Variants in CPED1 observed in about 807,000 individuals in gnomAD.
CPED1 encodes cadherin like and PC-esterase domain containing 1, also known as cadherin-like and PC-esterase domain-containing protein 1.
In CPED1, 114 loss-of-function variants were observed where a neutral mutation model predicts 128.2. The observed-to-expected ratio is 0.89, with a 90% CI of 0.76 to 1.04. The LOEUF is 1.04. Ranked by LOEUF, CPED1 falls within the 50% of genes least tolerant of loss-of-function variation. The pLI, the probability that CPED1 is intolerant of heterozygous loss-of-function variation, is 0.00. For synonymous variants in CPED1, 462 were observed against 426.7 expected, an observed-to-expected ratio of 1.08 and a Z score of -1.02; for missense variants, 1,211 against 1,207.1, an observed-to-expected ratio of 1.00 and a Z score of -0.05.
chr7:121,015,215 C>T (rs542585728), intron 2 of CPED1, among the ~76,000 whole-genome samples: 40 of 152,298 alleles, frequency 2.6e-4, no homozygotes, highest in Non-Finnish European at 5.3e-4. Flanking sequence ...CTTCTCACCT[C>T]GACCCCTTCC....
Position 121,099,980 on chromosome 7 carries a change from A to C in CPED1, c.804A>C (p.Leu268=), listed in dbSNP as rs760968774. Residue 268 remains leucine (L), a synonymous_variant, in exon 7 of 23, where the codon CTA becomes CTC. Coordinates refer to ENST00000310396, the MANE Select transcript of CPED1 (RefSeq NM_024913.5). ...PHETIFRAED[L]SVILKAYVLV... is the part of the protein sequence containing the mutation. ...AAACAATCTTTCGAGCCGAAGATCT[A>C]TCTGTGATTCTTAAAGCGTATGTGT... 3 of 1,613,314 alleles carry C rather than the reference A, an allele frequency of 1.9e-6. No homozygotes were observed. Among genetic ancestry groups the C allele is most frequent in the African/African-American group, 2.7e-5 (2 of 74,748 alleles).
At chr7:121,212,509 C>T (rs1255109228) in intron 16 of CPED1, among the ~76,000 whole-genome samples, 1 of 152,016 alleles carries the variant, frequency 6.6e-6, no homozygotes, top group Non-Finnish European at 1.5e-5. Context: ...TAAACTAAAG[C>T]ATCTCGAGTT....
chr7:121,264,597 C>T (rs899772337), intron 18 of CPED1, among the ~76,000 whole-genome samples: 1 of 152,014 alleles, frequency 6.6e-6, no homozygotes, highest in Non-Finnish European at 1.5e-5. Context: ...TACTTGGATA[C>T]GCTCACCATG....
At chr7:121,152,073 A>T (rs1796171793) in intron 16 of CPED1, among the ~76,000 whole-genome samples, 1 of 152,094 alleles carries the variant, frequency 6.6e-6, no homozygotes, top group Non-Finnish European at 1.5e-5. Flanking sequence ...TTTTTCACCC[A>T]CACCCTTTTA....
chr7:121,191,269 T>A (rs1320702205), intron 16 of CPED1, among the ~76,000 whole-genome samples: 2 of 152,162 alleles, frequency 1.3e-5, no homozygotes, highest in Non-Finnish European at 1.5e-5. Flanking sequence ...ACAAATAGTT[T>A]GCAGATTTAT....
chr7:121,040,865 TG>T (rs1474693818), intron 3 of CPED1, among the ~76,000 whole-genome samples: 1 of 152,072 alleles, frequency 6.6e-6, no homozygotes, highest in Non-Finnish European at 1.5e-5. Context: ...GCTTGGCTTT[TG>T]TAGCTTTGTA....
intron 18 of CPED1, among the ~76,000 whole-genome samples, chr7:121,259,052 CTAAG>C (rs1396337990): frequency 6.6e-6 from 1 of 152,022 alleles, no homozygotes; most frequent in Non-Finnish European, 1.5e-5. Flanking sequence ...TTTAGAATCT[CTAAG>C]TAGTAATTTC....
intron 6 of CPED1, among the ~76,000 whole-genome samples, chr7:121,099,230 A>G (rs917070099): frequency 4.6e-5 from 7 of 152,232 alleles, no homozygotes; most frequent in Non-Finnish European, 1.0e-4. Context: ...AGTTTCACCC[A>G]AACTGTAATT....
At chr7:121,187,220 G>A (rs1478474377) in intron 16 of CPED1, among the ~76,000 whole-genome samples, 1 of 152,176 alleles carries the variant, frequency 6.6e-6, no homozygotes, top group Non-Finnish European at 1.5e-5. Context: ...TGCTATAATG[G>A]ACAATGGTAA....
intron 2 of CPED1, among the ~76,000 whole-genome samples, chr7:120,991,258 A>G (rs564760767): frequency 6.6e-6 from 1 of 152,260 alleles, no homozygotes; most frequent in Non-Finnish European, 1.5e-5. Flanking sequence ...AAAGAATAGT[A>G]GATAATATAA....
chr7:121,192,000 G>A (rs932621524), intron 16 of CPED1, among the ~76,000 whole-genome samples: 8 of 152,024 alleles, frequency 5.3e-5, no homozygotes, highest in Non-Finnish European at 1.2e-4. Flanking sequence ...AAAATATCTT[G>A]TGCAGTGATC....
chr7:120,995,272 A>G (rs1169001532), intron 2 of CPED1, among the ~76,000 whole-genome samples: 1 of 152,104 alleles, frequency 6.6e-6, no homozygotes, highest in Non-Finnish European at 1.5e-5. Context: ...ATCTAATGAG[A>G]TCTATTTTCA....
intron 2 of CPED1, among the ~76,000 whole-genome samples, chr7:121,005,648 TAA>T (rs1193274689): frequency 6.6e-6 from 1 of 152,016 alleles, no homozygotes; most frequent in African/African-American, 2.4e-5. Context: ...TAAAGTATAA[TAA>T]AAAAATTTAG....
At chr7:121,159,700 C>T (rs1796370359) in intron 16 of CPED1, among the ~76,000 whole-genome samples, 1 of 152,096 alleles carries the variant, frequency 6.6e-6, no homozygotes, top group East Asian at 1.9e-4. Flanking sequence ...TTTAAAAACT[C>T]TACAATTAGC....
At chr7:121,084,602 A>G (rs1459004230) in intron 5 of CPED1, among the ~76,000 whole-genome samples, 1 of 152,238 alleles carries the variant, frequency 6.6e-6, no homozygotes, top group Admixed American at 6.5e-5. Context: ...AGCAAAGCTT[A>G]GTGTCCCCTT....
At chr7:120,993,382 C>T (rs1309024018) in intron 2 of CPED1, among the ~76,000 whole-genome samples, 3 of 152,152 alleles carry the variant, frequency 2.0e-5, no homozygotes, top group African/African-American at 7.2e-5. Context: ...GTTGATGGCT[C>T]CAAAATGAGA....
intron 3 of CPED1, among the ~76,000 whole-genome samples, chr7:121,045,947 T>G (rs748668538): frequency 1.3e-5 from 2 of 152,152 alleles, no homozygotes; most frequent in Non-Finnish European, 2.9e-5. Context: ...GTGTTTACCA[T>G]GCTCTCAAGG....
chr7:121,286,791 T>C (rs1302884934), intron 22 of CPED1, among the ~76,000 whole-genome samples: 1 of 152,160 alleles, frequency 6.6e-6, no homozygotes, highest in African/African-American at 2.4e-5. Flanking sequence ...GAAAACTAAC[T>C]ACACCTGGTG....
intron 16 of CPED1, among the ~76,000 whole-genome samples, chr7:121,203,206 CCTT>C (rs1370724760): frequency 2.0e-5 from 3 of 152,050 alleles, no homozygotes; most frequent in African/African-American, 7.2e-5. Context: ...ATCTCCAAAT[CCTT>C]CTATACCTTC....
Sources: allele counts gnomAD v4.1 joint callset (sites outside exome capture counted in the v4.1 genomes callset), GRCh38; gene constraint gnomAD v4.1.1; transcripts MANE v1.5; gene names NCBI Gene and HGNC (gene_info 2026-07-23, HGNC 2026-07-21).